Variants in UNC13C observed in about 807,000 individuals in gnomAD.
The protein encoded by UNC13C is unc-13 homolog C.
A neutral mutation model predicts 245.4 loss-of-function variants in UNC13C; 174 were observed. The ratio of observed to expected loss-of-function variants is 0.71; its 90% CI spans 0.63 to 0.80. UNC13C has a LOEUF of 0.80. Among genes scored for constraint, UNC13C ranks in the 30% least tolerant of loss-of-function variants. The probability of loss-of-function intolerance (pLI) is 0.00; values close to 1 mark genes in which losing one functional copy is unlikely to be tolerated. For missense variants in UNC13C, 2,829 were observed against 2,602.9 expected, an observed-to-expected ratio of 1.09 and a Z score of -1.89; for synonymous variants, 992 against 895.1, an observed-to-expected ratio of 1.11 and a Z score of -1.93.
intron 4 of UNC13C, among the ~76,000 whole-genome samples, chr15:54,187,085 T>C (rs910123468): frequency 5.9e-5 from 9 of 151,962 alleles, no homozygotes; most frequent in African/African-American, 2.2e-4. Flanking sequence ...TGACCTCAGG[T>C]GATCTGCCCT....
intron 22 of UNC13C, among the ~76,000 whole-genome samples, chr15:54,504,557 A>T (rs1894380446): frequency 6.6e-6 from 1 of 152,184 alleles, no homozygotes; most frequent in African/African-American, 2.4e-5. Flanking sequence ...GGAGAATAGA[A>T]TCTCACTATT....
chr15:54,090,103 TG>T (rs1176231761), intron 2 of UNC13C, among the ~76,000 whole-genome samples: 1 of 152,196 alleles, frequency 6.6e-6, no homozygotes, highest in Non-Finnish European at 1.5e-5. Context: ...ATGCATCACC[TG>T]CAAATGTCAA....
chr15:54,600,292 C>T (rs1403929752), intron 30 of UNC13C, among the ~76,000 whole-genome samples: 2 of 152,056 alleles, frequency 1.3e-5, no homozygotes, highest in East Asian at 1.9e-4. Context: ...ATCTAGGGAA[C>T]ACTGTGTAGA....
intron 4 of UNC13C, among the ~76,000 whole-genome samples, chr15:54,175,615 C>G (rs2033585308): frequency 6.6e-6 from 1 of 151,130 alleles, no homozygotes. Flanking sequence ...CGGGTTCACG[C>G]CATTCTCCTG....
intron 17 of UNC13C, among the ~76,000 whole-genome samples, chr15:54,363,432 G>A (rs1025383513): frequency 3.9e-5 from 6 of 152,160 alleles, no homozygotes; most frequent in Non-Finnish European, 8.8e-5. Context: ...TTTTATCGAG[G>A]TGAATATGTC....
At chr15:54,060,959 G>T (rs867678043) in intron 2 of UNC13C, among the ~76,000 whole-genome samples, 3 of 151,986 alleles carry the variant, frequency 2.0e-5, no homozygotes, top group East Asian at 1.9e-4. Flanking sequence ...ACACACCGGG[G>T]ACTGTTGTGG....
intron 13 of UNC13C, among the ~76,000 whole-genome samples, chr15:54,305,876 T>G (rs1041020960): frequency 6.6e-6 from 1 of 152,072 alleles, no homozygotes; most frequent in African/African-American, 2.4e-5. Context: ...TACCTTCTTT[T>G]GATATTTAAA....
intron 4 of UNC13C, among the ~76,000 whole-genome samples, chr15:54,160,016 T>TTA (rs1327109638): frequency 6.6e-6 from 1 of 152,110 alleles, no homozygotes; most frequent in Non-Finnish European, 1.5e-5. Context: ...AGCCATGAGT[T>TTA]TAAAAATTAA....
At chr15:54,457,227 C>A (rs1380119165) in intron 19 of UNC13C, among the ~76,000 whole-genome samples, 1 of 152,068 alleles carries the variant, frequency 6.6e-6, no homozygotes, top group Non-Finnish European at 1.5e-5. Flanking sequence ...TGGTATGAAA[C>A]CCTCTTAATT....
At chr15:54,475,309 T>C (rs951750536) in intron 19 of UNC13C, among the ~76,000 whole-genome samples, 2 of 148,602 alleles carry the variant, frequency 1.3e-5, no homozygotes, top group Non-Finnish European at 3.0e-5. Context: ...ATTATTATTA[T>C]TATTATTATT....
chr15:54,561,645 T>C (rs2141207763), intron 29 of UNC13C, among the ~76,000 whole-genome samples: 1 of 152,048 alleles, frequency 6.6e-6, no homozygotes, highest in Admixed American at 6.6e-5. Flanking sequence ...TGATGGGAAA[T>C]GTTTAGGTTG....
chr15:54,331,247 T>A (rs1342830510), intron 14 of UNC13C, among the ~76,000 whole-genome samples: 1 of 152,092 alleles, frequency 6.6e-6, no homozygotes, highest in Non-Finnish European at 1.5e-5. Context: ...AAAACTGGAA[T>A]TCAGAATAGT....
rs139502976 is a variant in UNC13C at position 54,108,584 on chromosome 15, T to A, written c.2984-34434T>A. ...TCATAGTATTATAGTAGATTTGAAT[T>A]TCCAGTGTCAAATTATAGCAAGTTT... On this transcript the variant is annotated intron_variant, in intron 2 of 32. Coordinates refer to ENST00000260323, the MANE Select transcript of UNC13C (RefSeq NM_001080534.3). 3.5e-3 allele frequency among the ~76,000 whole-genome samples: 528 copies of A among 152,260 alleles called. 3 individuals are homozygous for A. Among genetic ancestry groups the A allele is most frequent in the African/African-American group, 0.012 (508 of 41,534 alleles).
At chr15:54,272,209 A>G (rs1378000826) in intron 10 of UNC13C, among the ~76,000 whole-genome samples, 1 of 152,168 alleles carries the variant, frequency 6.6e-6, no homozygotes, top group African/African-American at 2.4e-5. Context: ...TTTGAAGTAT[A>G]TGGCAGCCAC....
chr15:54,237,493 G>A (rs2035732736), intron 6 of UNC13C, 126 bp from the exon 7 acceptor site: 2 of 751,846 alleles, frequency 2.7e-6, no homozygotes, highest in Non-Finnish European at 4.8e-6. Context: ...TACCAAAATG[G>A]CAGGTCCTTA....
At chr15:53,981,653 A>T (rs1396098926) in intron 1 of UNC13C, among the ~76,000 whole-genome samples, 4 of 152,238 alleles carry the variant, frequency 2.6e-5, no homozygotes, top group Middle Eastern at 3.4e-3. Flanking sequence ...AGCCCTCTCA[A>T]TCTGTAGCTT....
intron 17 of UNC13C, among the ~76,000 whole-genome samples, chr15:54,378,708 A>G (rs1486960493): frequency 6.6e-6 from 1 of 151,926 alleles, no homozygotes; most frequent in Non-Finnish European, 1.5e-5. Flanking sequence ...AATTAAGGTA[A>G]GCTGAGACCA....
chr15:54,331,966 C>A, intron 14 of UNC13C, 77 bp from the exon 15 acceptor site: 1 of 929,484 alleles, frequency 1.1e-6, no homozygotes, highest in Non-Finnish European at 1.6e-6. Flanking sequence ...AAAATAGAGA[C>A]AAAACTCAGA....
intron 18 of UNC13C, among the ~76,000 whole-genome samples, chr15:54,408,155 G>A (rs1406461823): frequency 7.6e-6 from 1 of 132,062 alleles, no homozygotes; most frequent in East Asian, 2.4e-4. Context: ...AGCCGAGATG[G>A]CGCCACTGCA....
Sources: allele counts gnomAD v4.1 joint callset (sites outside exome capture counted in the v4.1 genomes callset), GRCh38; gene constraint gnomAD v4.1.1; transcripts MANE v1.5; gene names NCBI Gene and HGNC (gene_info 2026-07-23, HGNC 2026-07-21).